The following RNF38 variants were observed in gnomAD, a reference collection of about 807,000 sequenced individuals.
RNF38 encodes the protein E3 ubiquitin-protein ligase RNF38.
A neutral mutation model predicts 67.2 loss-of-function variants in RNF38; 15 were observed. The ratio of observed to expected loss-of-function variants is 0.22; its 90% CI spans 0.15 to 0.34. The LOEUF is 0.34. Among genes scored for constraint, RNF38 ranks in the 10% least tolerant of loss-of-function variants. The pLI is 1.00. For synonymous variants in RNF38, 220 were observed against 218.8 expected (o/e 1.01, Z -0.05); for missense variants, 524 against 639.9 (o/e 0.82, Z 1.95).
chr9:36,464,328 GGA>G (rs1839809370), intron 1 of RNF38, among the ~76,000 whole-genome samples: 1 of 152,068 alleles, frequency 6.6e-6, no homozygotes, highest in African/African-American at 2.4e-5. Context: ...CAGCACTTTA[GGA>G]GGCCAAGGCA....
At chr9:36,354,922 T>C (rs1833988477) in intron 6 of RNF38, among the ~76,000 whole-genome samples, 1 of 152,202 alleles carries the variant, frequency 6.6e-6, no homozygotes. Context: ...ATGACAACAC[T>C]AGTGAAAACA....
At chr9:36,465,945 A>G (rs867145180) in intron 1 of RNF38, among the ~76,000 whole-genome samples, 11 of 152,188 alleles carry the variant, frequency 7.2e-5, no homozygotes, top group Middle Eastern at 3.4e-3. Context: ...CCAGCTACTC[A>G]GGAGGCTGAG....
At chr9:36,374,594 A>T (rs1835649259) in intron 3 of RNF38, among the ~76,000 whole-genome samples, 1 of 152,002 alleles carries the variant, frequency 6.6e-6, no homozygotes, top group Admixed American at 6.6e-5. Context: ...CCTGCCTCAG[A>T]TTCGCCCGTC....
At chr9:36,361,803 CA>C (rs1184865290) in intron 4 of RNF38, among the ~76,000 whole-genome samples, 2 of 152,220 alleles carry the variant, frequency 1.3e-5, no homozygotes, top group South Asian at 2.1e-4. Flanking sequence ...ATTCTTAAGT[CA>C]GGGGTGTAAT....
intron 1 of RNF38, among the ~76,000 whole-genome samples, chr9:36,431,736 T>C (rs1409450948): frequency 2.0e-5 from 3 of 152,178 alleles, no homozygotes; most frequent in African/African-American, 4.8e-5. Context: ...ATAAAAATCA[T>C]TGGCCATTGG....
chr9:36,371,811 G>C (rs1008874234), intron 3 of RNF38, among the ~76,000 whole-genome samples: 1 of 151,848 alleles, frequency 6.6e-6, no homozygotes, highest in Non-Finnish European at 1.5e-5. Flanking sequence ...TAGACATTTA[G>C]AACTTATGAC....
chr9:36,376,867 T>C (rs1372855304), intron 2 of RNF38, among the ~76,000 whole-genome samples: 2 of 149,216 alleles, frequency 1.3e-5, no homozygotes, highest in Non-Finnish European at 3.0e-5. Flanking sequence ...CGGAGGTTGT[T>C]GTGAGCTGAG....
At position 36,353,314 on chromosome 9, in the gene RNF38, T is replaced by A; in HGVS notation, c.927A>T (p.Glu309Asp). 6.2e-7 allele frequency: 1 copy of A among 1,610,192 alleles called. No homozygotes were observed. The highest frequency in any genetic ancestry group is 8.5e-7 in the Non-Finnish European group (1 of 1,178,452). ...GTTCTCCTAAGAGTTCCACTTCATT[T>A]TCTATCCTTTGCAGAGGCTGAGGAG... Reference protein sequence around the residue: ...QQSRSPLQRIENEVELLGEHL... With the variant: ...QQSRSPLQRIDNEVELLGEHL... Residue 309 changes from glutamate (E) to aspartate (D), a missense_variant, in exon 7 of 12, where the codon GAA (glutamate) becomes GAT (aspartate). Glu to Asp is a conservative substitution (Grantham distance 45). Coordinates refer to ENST00000259605, the MANE Select transcript of RNF38 (RefSeq NM_022781.5).
chr9:36,431,203 G>A (rs1838925368), intron 1 of RNF38, among the ~76,000 whole-genome samples: 1 of 152,192 alleles, frequency 6.6e-6, no homozygotes, highest in Admixed American at 6.5e-5. Flanking sequence ...ATTGCTTAAT[G>A]ATGAGAATAC....
At chr9:36,358,922 A>C (rs1468414197) in intron 4 of RNF38, among the ~76,000 whole-genome samples, 2 of 152,124 alleles carry the variant, frequency 1.3e-5, no homozygotes, top group Non-Finnish European at 2.9e-5. Context: ...GAGGCAGGAG[A>C]ATCACTTGAA....
At chr9:36,416,915 C>A (rs1419376667) in intron 2 of RNF38, among the ~76,000 whole-genome samples, 1 of 151,806 alleles carries the variant, frequency 6.6e-6, no homozygotes, top group Non-Finnish European at 1.5e-5. Flanking sequence ...ACATGCCCAG[C>A]TAATTTCTGT....
intron 1 of RNF38, among the ~76,000 whole-genome samples, chr9:36,477,185 G>A (rs1265208921): frequency 2.0e-5 from 3 of 151,780 alleles, no homozygotes; most frequent in African/African-American, 7.3e-5. Context: ...TTAGCCGGGC[G>A]TGGTGGTGGG....
At chr9:36,469,505 CA>C (rs1839946803) in intron 1 of RNF38, among the ~76,000 whole-genome samples, 1 of 150,648 alleles carries the variant, frequency 6.6e-6, no homozygotes, top group Non-Finnish European at 1.5e-5. Context: ...ACTAAAAATA[CA>C]AAAAATTAGC....
upstream of RNF38, among the ~76,000 whole-genome samples, chr9:36,406,158 G>A (rs1052090682): frequency 1.3e-5 from 2 of 152,172 alleles, no homozygotes; most frequent in Non-Finnish European, 2.9e-5. Context: ...CGATGTTGGG[G>A]GGAAGAATGG....
intron 5 of RNF38, among the ~76,000 whole-genome samples, chr9:36,356,752 G>A (rs1036872416): frequency 7.5e-5 from 11 of 146,740 alleles, no homozygotes; most frequent in Non-Finnish European, 4.5e-5. Flanking sequence ...GGGTGTGGGG[G>A]GGGCGGGGGG....
At chr9:36,430,160 T>C (rs1332648309) in intron 1 of RNF38, among the ~76,000 whole-genome samples, 1 of 152,150 alleles carries the variant, frequency 6.6e-6, no homozygotes, top group East Asian at 1.9e-4. Context: ...TAAGACCTCC[T>C]AAAGAGAAGG....
intron 1 of RNF38, among the ~76,000 whole-genome samples, chr9:36,434,172 A>G (rs558369665): frequency 1.1e-4 from 16 of 143,240 alleles, no homozygotes; most frequent in African/African-American, 4.1e-4. Context: ...GGAGGCGGAG[A>G]TTACAGTGAG....
At chr9:36,436,069 T>C (rs1839058700) in intron 1 of RNF38, among the ~76,000 whole-genome samples, 1 of 152,232 alleles carries the variant, frequency 6.6e-6, no homozygotes, top group African/African-American at 2.4e-5. Context: ...ATGTTAAGCT[T>C]CCTATATGAG....
intron 8 of RNF38, among the ~76,000 whole-genome samples, chr9:36,351,950 C>T (rs2133482577): frequency 6.6e-6 from 1 of 152,256 alleles, no homozygotes; most frequent in Admixed American, 6.5e-5. Context: ...AGTCACAGGG[C>T]TAACGAAATC....
Sources: allele counts gnomAD v4.1 joint callset (sites outside exome capture counted in the v4.1 genomes callset), GRCh38; gene constraint gnomAD v4.1.1; transcripts MANE v1.5; gene names NCBI Gene and HGNC (gene_info 2026-07-23, HGNC 2026-07-21).